The following STARD13 variants were observed in gnomAD, a reference collection of about 807,000 sequenced individuals.
STARD13 encodes the protein stAR-related lipid transfer protein 13.
In STARD13, 62 loss-of-function variants were observed where a neutral mutation model predicts 106.4. The ratio of observed to expected loss-of-function variants is 0.58; its 90% CI spans 0.48 to 0.72. The LOEUF (loss-of-function observed/expected upper bound fraction) is 0.72, where lower values mean the gene tolerates loss of function less well. Among genes scored for constraint, STARD13 ranks in the 30% least tolerant of loss-of-function variants. The pLI is 0.00. For synonymous variants in STARD13, 565 were observed against 553.0 expected, an observed-to-expected ratio of 1.02 and a Z score of -0.31; for missense variants, 1,387 against 1,424.0, an observed-to-expected ratio of 0.97 and a Z score of 0.42.
chr13:33,318,287 A>G (rs1182351399), intron 1 of STARD13, among the ~76,000 whole-genome samples: 2 of 152,240 alleles, frequency 1.3e-5, no homozygotes, highest in Non-Finnish European at 2.9e-5. Context: ...TTATTTTAAT[A>G]TAAGAATGAA....
At chr13:33,333,032 A>G (rs2077854832) in intron 1 of STARD13, among the ~76,000 whole-genome samples, 1 of 152,142 alleles carries the variant, frequency 6.6e-6, no homozygotes, top group South Asian at 2.1e-4. Context: ...TAATAATAAT[A>G]ATAATTTTAA....
chr13:33,551,568 C>CTTTTTTTTTTTTTTTTTTTTTTTTTTTT, the STARD13 span, among the ~76,000 whole-genome samples: 5 of 44,786 alleles, frequency 1.1e-4, 2 homozygotes, highest in African/African-American at 2.4e-4. Context: ...TTTGCTTTTC[C>CTTTTTTTTTTTTTTTTTTTTTTTTTTTT]CTTTTTTTTT....
At chr13:33,618,230 T>G in the STARD13 span, among the ~76,000 whole-genome samples, 1 of 152,240 alleles carries the variant, frequency 6.6e-6, no homozygotes, top group East Asian at 1.9e-4. Context: ...AGTAATAGTA[T>G]GCTAGATCAT....
chr13:33,279,982 A>G (rs537073407), intron 1 of STARD13: 2 of 150,228 alleles, frequency 1.3e-5, no homozygotes, highest in East Asian at 3.9e-4. Flanking sequence ...AAAAAAAAAA[A>G]CAAACAGACA....
the STARD13 span, among the ~76,000 whole-genome samples, chr13:33,559,916 A>T: frequency 1.3e-5 from 2 of 151,724 alleles, no homozygotes; most frequent in Non-Finnish European, 2.9e-5. Context: ...AGCAAGAAGT[A>T]GTCAGCAAGG....
At chr13:33,186,996 C>A (rs1466592314) in intron 1 of STARD13, among the ~76,000 whole-genome samples, 1 of 152,178 alleles carries the variant, frequency 6.6e-6, no homozygotes, top group Non-Finnish European at 1.5e-5. Flanking sequence ...ATGCTGATGT[C>A]ATTGTCGTTT....
At chr13:33,241,830 G>A (rs938217336) in intron 1 of STARD13, among the ~76,000 whole-genome samples, 5 of 152,118 alleles carry the variant, frequency 3.3e-5, no homozygotes, top group South Asian at 2.1e-4. Context: ...ACGGAGTCGC[G>A]CTCACTCAGT....
Position 33,306,276 on chromosome 13 carries a change from G to A in STARD13, c.124+44014C>T, listed in dbSNP as rs111962497. Among the ~76,000 whole-genome samples, 508 of 152,288 alleles carry A rather than the reference G, an allele frequency of 3.3e-3. 3 individuals carry two copies. Among genetic ancestry groups the A allele is most frequent in the African/African-American group, 8.6e-3 (357 of 41,560 alleles). ...TGCTGGGAAAAGTGACTAGCTATACGCAGAAAATTAATACTGAACCCCTTC... is the reference window on the plus strand; with the variant it reads ...TGCTGGGAAAAGTGACTAGCTATACACAGAAAATTAATACTGAACCCCTTC... On this transcript the variant is annotated intron_variant, in intron 1 of 5. Coordinates refer to the STARD13 transcript ENST00000567873.
downstream of STARD13, among the ~76,000 whole-genome samples, chr13:33,346,749 C>A (rs953223433): frequency 1.9e-4 from 29 of 152,052 alleles, 2 homozygotes. Context: ...CCTGCCTCAG[C>A]CTCCTGAGTA....
At chr13:33,281,520 C>A (rs1007161925) in intron 1 of STARD13, 2 of 151,090 alleles carry the variant, frequency 1.3e-5, no homozygotes, top group Non-Finnish European at 2.9e-5. Flanking sequence ...ACTAATAAAT[C>A]AAAACCATCA....
At chr13:33,279,865 A>G (rs1305760495) in intron 1 of STARD13, 1 of 152,158 alleles carries the variant, frequency 6.6e-6, no homozygotes, top group African/African-American at 2.4e-5. Context: ...ATTTTCCTGT[A>G]ATTTTGGTTA....
chr13:33,521,278 T>C, the STARD13 span, among the ~76,000 whole-genome samples: 11 of 152,030 alleles, frequency 7.2e-5, no homozygotes, highest in African/African-American at 2.4e-4. Context: ...ACTAAGAAAA[T>C]AATGTCAGAT....
chr13:33,423,942 CG>C, the STARD13 span, among the ~76,000 whole-genome samples: 1 of 151,798 alleles, frequency 6.6e-6, no homozygotes, highest in African/African-American at 2.4e-5. Context: ...TGGGGCCTGT[CG>C]GGGAGTGGCA....
At chr13:33,133,943 T>C (rs1032407141) in intron 4 of STARD13, among the ~76,000 whole-genome samples, 8 of 150,968 alleles carry the variant, frequency 5.3e-5, no homozygotes, top group African/African-American at 1.7e-4. Flanking sequence ...AGATTTCATC[T>C]GTTTGATAAT....
chr13:33,645,071 G>C, the STARD13 span, among the ~76,000 whole-genome samples: 734 of 152,120 alleles, frequency 4.8e-3, 3 homozygotes, highest in African/African-American at 0.017. Flanking sequence ...ACGTGACCTC[G>C]CCGTTCCTCC....
chr13:33,492,376 C>T, the STARD13 span, among the ~76,000 whole-genome samples: 1 of 152,244 alleles, frequency 6.6e-6, no homozygotes, highest in East Asian at 1.9e-4. Flanking sequence ...ACCAGAGCAA[C>T]TCCATCTTGA....
the STARD13 span, among the ~76,000 whole-genome samples, chr13:33,626,300 T>C: frequency 4.6e-5 from 7 of 152,232 alleles, no homozygotes; most frequent in Non-Finnish European, 1.0e-4. Flanking sequence ...GATTTTGTCT[T>C]CCTTCAGTAC....
At chr13:33,126,285 CTG>C in intron 6 of STARD13, 45 bp from the exon 7 acceptor site, 1 of 1,597,142 alleles carries the variant, frequency 6.3e-7, no homozygotes, top group Non-Finnish European at 8.6e-7. Flanking sequence ...CTGGGTCACA[CTG>C]TGGGGTGAGG....
chr13:33,390,771 A>G, the STARD13 span, among the ~76,000 whole-genome samples: 3 of 152,120 alleles, frequency 2.0e-5, no homozygotes, highest in Non-Finnish European at 4.4e-5. Flanking sequence ...AGAAAACCCT[A>G]TCCGTCATTA....
Sources: gnomAD v4.1 joint callset for allele counts (sites outside exome capture counted in the v4.1 genomes callset) on GRCh38, gnomAD v4.1.1 for gene constraint, MANE v1.5 for transcripts, NCBI Gene and HGNC (gene_info 2026-07-23, HGNC 2026-07-21) for gene names.